The following WDR37 variants were observed in gnomAD, a reference collection of about 807,000 sequenced individuals.
The protein encoded by WDR37 is WD repeat domain 37.
Under a neutral mutation model 62.9 loss-of-function variants are expected in WDR37, and 19 were observed. The observed-to-expected ratio is 0.30, with a 90% CI of 0.21 to 0.44. The LOEUF is 0.44. WDR37 is among the 20% of genes least tolerant of loss of function. The pLI is 1.00. For missense variants in WDR37, 474 were observed against 657.6 expected (o/e 0.72, Z 3.05); for synonymous variants, 250 against 260.9 (o/e 0.96, Z 0.40).
chr10:1,117,746 T>G (rs1835450503), intron 11 of WDR37, among the ~76,000 whole-genome samples: 1 of 152,206 alleles, frequency 6.6e-6, no homozygotes, highest in African/African-American at 2.4e-5. Flanking sequence ...AAGCGTCAGC[T>G]GACGTTTGGA....
rs1451318041 is a variant in WDR37 at position 1,098,325 on chromosome 10, C to CT, written c.726+2079_726+2080insT. Among the ~76,000 whole-genome samples, 430 of 136,198 alleles carry CT rather than the reference C, an allele frequency of 3.2e-3. 4 individuals carry two copies. The highest frequency in any genetic ancestry group is 5.8e-3 in the Non-Finnish European group (370 of 63,320). 89.4% of individuals were successfully genotyped at this position (136,198 alleles called of 152,430 possible). A position where few individuals can be genotyped will look rare whatever the true frequency, so the allele number is the denominator to read the frequency against. The stretch of plus-strand genomic sequence containing the variant: ...TCTTTCTACCCCCTCCCCATCTGTC[C>CT]GTTTTTTTTTTTTTTTTTTTGAGAT... On this transcript the variant is annotated intron_variant, in intron 9 of 13. Coordinates refer to ENST00000263150, the MANE Select transcript of WDR37 (RefSeq NM_014023.4).
At chr10:1,060,292 A>G (rs909978500) in intron 1 of WDR37, among the ~76,000 whole-genome samples, 1 of 152,198 alleles carries the variant, frequency 6.6e-6, no homozygotes, top group South Asian at 2.1e-4. Flanking sequence ...GACTGCTTAC[A>G]AGCAGTGGGG....
chr10:1,073,537 G>A (rs1439964074), intron 2 of WDR37, among the ~76,000 whole-genome samples: 1 of 152,154 alleles, frequency 6.6e-6, no homozygotes, highest in African/African-American at 2.4e-5. Context: ...TTAACTTAGT[G>A]TTCAAAAAAA....
At chr10:1,063,670 A>G (rs151259085) in intron 1 of WDR37, among the ~76,000 whole-genome samples, 310 of 152,254 alleles carry the variant, frequency 2.0e-3, no homozygotes, top group Non-Finnish European at 3.4e-3. Context: ...CAGGAACTTT[A>G]CTGCTGCCCT....
chr10:1,060,717 G>A (rs1173262468), intron 1 of WDR37, among the ~76,000 whole-genome samples: 2 of 152,080 alleles, frequency 1.3e-5, no homozygotes, highest in Non-Finnish European at 2.9e-5. Flanking sequence ...AAATACAATC[G>A]GGTGCCACAT....
intron 2 of WDR37, 56 bp downstream of exon 2, chr10:1,072,349 C>A: frequency 6.3e-7 from 1 of 1,596,832 alleles, no homozygotes. Flanking sequence ...GACAGAGTTT[C>A]GCTCGTTTCC....
chr10:1,085,030 C>T (rs751582109), intron 6 of WDR37, among the ~76,000 whole-genome samples: 6 of 152,208 alleles, frequency 3.9e-5, no homozygotes, highest in Non-Finnish European at 7.3e-5. Context: ...GGCGCAATCT[C>T]GGCTCACTGC....
intron 7 of WDR37, among the ~76,000 whole-genome samples, chr10:1,086,771 A>ACTCACTC (rs1834215453): frequency 6.6e-6 from 1 of 152,162 alleles, no homozygotes; most frequent in Non-Finnish European, 1.5e-5. Flanking sequence ...AATGCTGTCC[A>ACTCACTC]CGGAGTGAAT....
At chr10:1,058,792 G>A (rs1020786982) in intron 1 of WDR37, among the ~76,000 whole-genome samples, 3 of 152,164 alleles carry the variant, frequency 2.0e-5, no homozygotes, top group Non-Finnish European at 4.4e-5. Flanking sequence ...AGCCCACTAG[G>A]AATTCGTCTA....
rs142238907 is a variant in WDR37 at position 1,080,398 on chromosome 10, C to T, written c.332-14C>T. 1.1e-3 allele frequency: 1,699 copies of T among 1,614,088 alleles called. 13 individuals carry two copies. The highest frequency in any genetic ancestry group is 2.6e-3 in the Middle Eastern group (16 of 6,062). ...TGTGTGATTGTGTTTGATTGTCACT[C>T]TCTGTCCCTGCAGCCAGTCACAGCA... On this transcript the variant is annotated splice_polypyrimidine_tract_variant and intron_variant, in intron 4 of 13. Coordinates refer to ENST00000263150, the MANE Select transcript of WDR37 (RefSeq NM_014023.4).
At chr10:1,113,849 C>T (rs992505889) in intron 11 of WDR37, among the ~76,000 whole-genome samples, 2 of 150,686 alleles carry the variant, frequency 1.3e-5, no homozygotes, top group Non-Finnish European at 2.9e-5. Flanking sequence ...GTTTAAATGA[C>T]AGCAAAGGAT....
chr10:1,117,115 C>G (rs1589120719), intron 11 of WDR37, among the ~76,000 whole-genome samples: 1 of 152,138 alleles, frequency 6.6e-6, no homozygotes, highest in East Asian at 1.9e-4. Flanking sequence ...ACTGCAGTGG[C>G]ATGATCACGG....
chr10:1,108,926 G>T (rs1835120048), intron 11 of WDR37, among the ~76,000 whole-genome samples: 1 of 152,232 alleles, frequency 6.6e-6, no homozygotes, highest in African/African-American at 2.4e-5. Flanking sequence ...GAGCAGGGCA[G>T]CTTCCTATGT....
chr10:1,126,281 C>T (rs1409332823), intron 13 of WDR37, among the ~76,000 whole-genome samples: 9 of 151,982 alleles, frequency 5.9e-5, no homozygotes, highest in East Asian at 1.9e-4. Context: ...TGGCGGGCGT[C>T]TGTAGTCCCA....
intron 9 of WDR37, among the ~76,000 whole-genome samples, chr10:1,100,087 C>T (rs892709131): frequency 4.6e-5 from 7 of 152,240 alleles, no homozygotes; most frequent in African/African-American, 1.7e-4. Flanking sequence ...AGATTCATGT[C>T]CAGTACTTAC....
chr10:1,102,784 G>A (rs1398448750), intron 9 of WDR37, among the ~76,000 whole-genome samples: 1 of 152,176 alleles, frequency 6.6e-6, no homozygotes, highest in Non-Finnish European at 1.5e-5. Flanking sequence ...TCCAGTACTA[G>A]TACTTGTGTA....
chr10:1,091,314 A>G (rs984670159), intron 7 of WDR37, among the ~76,000 whole-genome samples: 1 of 152,162 alleles, frequency 6.6e-6, no homozygotes, highest in Non-Finnish European at 1.5e-5. Context: ...CATTAATACT[A>G]TTTGTTAGTG....
At chr10:1,086,225 C>A in intron 6 of WDR37, 61 bp from the exon 7 acceptor site, 2 of 1,406,204 alleles carry the variant, frequency 1.4e-6, no homozygotes, top group South Asian at 1.2e-5. Flanking sequence ...CTTATTCTTT[C>A]ATTTGAAAAA....
At chr10:1,098,216 C>G (rs1394082261) in intron 9 of WDR37, among the ~76,000 whole-genome samples, 1 of 152,012 alleles carries the variant, frequency 6.6e-6, no homozygotes, top group Non-Finnish European at 1.5e-5. Flanking sequence ...GAGGGGATGC[C>G]CTGATCCCAT....
Sources: gnomAD v4.1 joint callset for allele counts (sites outside exome capture counted in the v4.1 genomes callset) on GRCh38, gnomAD v4.1.1 for gene constraint, MANE v1.5 for transcripts, NCBI Gene and HGNC (gene_info 2026-07-23, HGNC 2026-07-21) for gene names.